Variants in PITPNC1 observed in about 807,000 individuals in gnomAD.
The protein encoded by PITPNC1 is cytoplasmic phosphatidylinositol transfer protein 1.
Under a neutral mutation model 44.7 loss-of-function variants are expected in PITPNC1, and 18 were observed. That is an observed-to-expected ratio of 0.40 (90% CI 0.28 to 0.60). The LOEUF (loss-of-function observed/expected upper bound fraction) is 0.60. Ranked by LOEUF, PITPNC1 falls within the 20% of genes least tolerant of loss-of-function variation. The pLI is 0.39. For missense variants in PITPNC1, 290 were observed against 418.4 expected, an observed-to-expected ratio of 0.69 and a Z score of 2.68; for synonymous variants, 141 against 149.6, an observed-to-expected ratio of 0.94 and a Z score of 0.42.
chr17:67,418,540 A>T (rs1457917245), intron 1 of PITPNC1, among the ~76,000 whole-genome samples: 1 of 151,924 alleles, frequency 6.6e-6, no homozygotes, highest in African/African-American at 2.4e-5. Flanking sequence ...ATAGCTGAGG[A>T]TGGGGGCATA....
At chr17:67,446,417 A>G (rs186501555) in intron 1 of PITPNC1, among the ~76,000 whole-genome samples, 1 of 150,002 alleles carries the variant, frequency 6.7e-6, no homozygotes, top group South Asian at 2.1e-4. Context: ...TGTTTTCAGA[A>G]AAAAAAAAAG....
intron 1 of PITPNC1, among the ~76,000 whole-genome samples, chr17:67,456,116 C>T (rs118018218): frequency 1.5e-3 from 227 of 152,306 alleles, no homozygotes; most frequent in East Asian, 0.012. Context: ...CTTTAAGTAA[C>T]TTGTCTAATT....
intron 5 of PITPNC1, among the ~76,000 whole-genome samples, chr17:67,587,615 A>C (rs2144250360): frequency 6.6e-6 from 1 of 152,298 alleles, no homozygotes; most frequent in Middle Eastern, 3.4e-3. Context: ...ATGCTCCGAG[A>C]TAGAGATTGC....
intron 5 of PITPNC1, among the ~76,000 whole-genome samples, chr17:67,600,365 A>G (rs972488656): frequency 6.6e-6 from 1 of 152,218 alleles, no homozygotes; most frequent in Non-Finnish European, 1.5e-5. Context: ...ATGTAAATCT[A>G]CTGCCGAAGA....
chr17:67,440,270 C>T (rs1054471434), intron 1 of PITPNC1, among the ~76,000 whole-genome samples: 26 of 152,298 alleles, frequency 1.7e-4, no homozygotes, highest in African/African-American at 5.8e-4. Flanking sequence ...TAACCCCGCA[C>T]TGGCAAACGC....
intron 1 of PITPNC1, among the ~76,000 whole-genome samples, chr17:67,527,844 A>AT (rs1222644991): frequency 6.6e-6 from 1 of 152,036 alleles, no homozygotes; most frequent in Non-Finnish European, 1.5e-5. Context: ...AAAGTAAAAA[A>AT]ATAAAAATTA....
chr17:67,581,650 A>G (rs2041235081), intron 5 of PITPNC1, among the ~76,000 whole-genome samples: 1 of 152,082 alleles, frequency 6.6e-6, no homozygotes, highest in Non-Finnish European at 1.5e-5. Flanking sequence ...ACTTCATTAG[A>G]CTTCTTTGCC....
chr17:67,696,698 G>A lies in PITPNC1; in HGVS notation c.*3810G>A, dbSNP rs149272374. 1 of 152,310 alleles carries A rather than the reference G, an allele frequency of 6.6e-6. No individual in the cohort carries two copies. Among genetic ancestry groups the A allele is most frequent in the Non-Finnish European group, 1.5e-5 (1 of 68,036 alleles). The allele number at this position is 152,310 out of a possible 1,614,324, so 9.4% of individuals were successfully genotyped here. A position where few individuals can be genotyped will look rare whatever the true frequency, so the allele number is the denominator to read the frequency against. On this transcript the variant is annotated 3_prime_UTR_variant, in exon 9 of 9. Transcript: ENST00000581322. The stretch of plus-strand genomic sequence containing the variant: ...TTGGCATGCTGAGGCAAAACATTGG[G>A]TTCTTTTGTGTTCTACCTTCAAAAC...
chr17:67,496,063 T>C (rs910909508), intron 1 of PITPNC1, among the ~76,000 whole-genome samples: 5 of 152,232 alleles, frequency 3.3e-5, no homozygotes, highest in African/African-American at 1.2e-4. Flanking sequence ...TTTTTGGTGA[T>C]GCTGGGAATT....
intron 1 of PITPNC1, among the ~76,000 whole-genome samples, chr17:67,397,502 A>C (rs2038237724): frequency 1.3e-5 from 2 of 152,194 alleles, no homozygotes; most frequent in Non-Finnish European, 2.9e-5. Flanking sequence ...AGTTAAGAAC[A>C]AAGTAAAAAG....
At chr17:67,593,114 C>T (rs1568056569) in intron 5 of PITPNC1, among the ~76,000 whole-genome samples, 1 of 152,132 alleles carries the variant, frequency 6.6e-6, no homozygotes. Flanking sequence ...GTTTACAAAC[C>T]TGACCATGGA....
chr17:67,684,953 A>G (rs2042785585), intron 8 of PITPNC1, among the ~76,000 whole-genome samples: 1 of 152,268 alleles, frequency 6.6e-6, no homozygotes, highest in Non-Finnish European at 1.5e-5. Context: ...AAAAAAACCT[A>G]TAACTCCTTG....
chr17:67,696,249 C>T lies in PITPNC1; in HGVS notation c.*3361C>T, dbSNP rs534529069. 1.3e-5 allele frequency: 2 copies of T among 152,162 alleles called. No homozygotes were observed. The highest frequency in any genetic ancestry group is 2.1e-4 in the South Asian group (1 of 4,830). The allele number at this position is 152,162 out of a possible 1,614,324, so 9.4% of individuals were successfully genotyped here. A position where few individuals can be genotyped will look rare whatever the true frequency, so the allele number is the denominator to read the frequency against. ...TTTTCTTTCAAGACACTGTAATAAACAGTGAACTAAGAGAATAGATTCTGA... is the reference window on the plus strand; with the variant it reads ...TTTTCTTTCAAGACACTGTAATAAATAGTGAACTAAGAGAATAGATTCTGA... On this transcript the variant is annotated 3_prime_UTR_variant, in exon 9 of 9. Coordinates refer to ENST00000581322, the MANE Select transcript of PITPNC1 (RefSeq NM_012417.4).
intron 5 of PITPNC1, among the ~76,000 whole-genome samples, chr17:67,631,433 T>C (rs1444056656): frequency 7.0e-6 from 1 of 143,178 alleles, no homozygotes; most frequent in Non-Finnish European, 1.5e-5. Context: ...ATCGAGACCA[T>C]CCTGGCTAAC....
chr17:67,645,131 G>A (rs1252551770), intron 6 of PITPNC1, among the ~76,000 whole-genome samples: 2 of 151,898 alleles, frequency 1.3e-5, no homozygotes, highest in African/African-American at 2.4e-5. Flanking sequence ...ACCTGAGGTC[G>A]GGAGTTTGAG....
chr17:67,476,272 G>T (rs1234973072), intron 1 of PITPNC1, among the ~76,000 whole-genome samples: 1 of 147,918 alleles, frequency 6.8e-6, no homozygotes, highest in Non-Finnish European at 1.5e-5. Flanking sequence ...TGCAGCCTCT[G>T]TCCCCCCAGG....
intron 5 of PITPNC1, among the ~76,000 whole-genome samples, chr17:67,622,879 G>A (rs1179976060): frequency 6.6e-6 from 1 of 150,770 alleles, no homozygotes; most frequent in Non-Finnish European, 1.5e-5. Context: ...AAAAAAAATA[G>A]CGATAATAAT....
rs2042953765 is a variant in PITPNC1, at chr17:67,692,790, C to T, written c.901C>T (p.Pro301Ser). The change falls in exon 9 of 9, where the codon CCA (proline) becomes TCA (serine). Residue 301 changes from proline to serine, a missense_variant. Coordinates refer to ENST00000581322, the MANE Select transcript of PITPNC1 (RefSeq NM_012417.4). ...PKDRPRKKSA[P>S]ETLTLPDPEK... is the part of the protein sequence containing the mutation. ...AGATCGGCCCCGGAAAAAGTCTGCC[C>T]CAGAAACTCTCACACTTCCAGACCC... 1 of 1,613,792 alleles carries T rather than the reference C, an allele frequency of 6.2e-7. No homozygotes were observed. Among genetic ancestry groups the T allele is most frequent in the South Asian group, 1.1e-5 (1 of 91,070 alleles).
intron 5 of PITPNC1, among the ~76,000 whole-genome samples, chr17:67,617,804 TCTC>T (rs1312196260): frequency 7.2e-5 from 11 of 152,102 alleles, no homozygotes; most frequent in African/African-American, 2.7e-4. Flanking sequence ...ATCTGTGTCC[TCTC>T]CTCTTCACAT....
Sources: allele counts gnomAD v4.1 joint callset (sites outside exome capture counted in the v4.1 genomes callset), GRCh38; gene constraint gnomAD v4.1.1; transcripts MANE v1.5; gene names NCBI Gene and HGNC (gene_info 2026-07-23, HGNC 2026-07-21).